Variants in AFF2 observed in about 807,000 individuals in gnomAD.
AFF2 encodes the protein AF4/FMR2 family member 2.
AFF2 carries 14 observed loss-of-function variants against 76.9 expected under a neutral mutation model. The ratio of observed to expected loss-of-function variants is 0.18; its 90% CI spans 0.12 to 0.28. The LOEUF is 0.28. Among genes scored for constraint, AFF2 ranks in the 10% least tolerant of loss-of-function variants. The pLI is 1.00. For missense variants in AFF2, 868 were observed against 1,001.1 expected (o/e 0.87, Z 1.79); for synonymous variants, 398 against 366.7 (o/e 1.09, Z -0.98).
chrX:148,581,744 C>T (rs1199257257), intron 1 of AFF2, among the ~76,000 whole-genome samples: 2 of 112,515 alleles, frequency 1.8e-5, no homozygotes, highest in African/African-American at 6.4e-5. Context: ...AAGTCACAGA[C>T]ATATTGAACA....
chrX:148,641,167 T>C (rs1557254646), intron 1 of AFF2, among the ~76,000 whole-genome samples: 2 of 111,438 alleles, frequency 1.8e-5, no homozygotes, highest in African/African-American at 6.5e-5. Flanking sequence ...TGGCATGACA[T>C]AGATATCCAG....
At chrX:148,924,486 A>C (rs1177691657) in intron 9 of AFF2, among the ~76,000 whole-genome samples, 1 of 112,382 alleles carries the variant, frequency 8.9e-6, no homozygotes, top group Non-Finnish European at 1.9e-5. Flanking sequence ...TTATGAGATT[A>C]TGAAAAATGG....
At chrX:148,572,097 T>G (rs2053236360) in intron 1 of AFF2, among the ~76,000 whole-genome samples, 1 of 107,938 alleles carries the variant, frequency 9.3e-6, no homozygotes, top group African/African-American at 3.4e-5. Flanking sequence ...TGGCAAAGCA[T>G]CTGAATAGAT....
rs1282072861 is a variant in AFF2, at chrX:148,677,561, G to A, written c.1041+14793G>A. Among the ~76,000 whole-genome samples the A allele has an allele frequency of 2.7e-5, 3 of 112,257 alleles. No individual in the cohort carries two copies. In the South Asian group the frequency reaches 1.1e-3, roughly 41 times the overall value. On this transcript the variant is annotated intron_variant, in intron 3 of 20. Transcript: ENST00000370460. ...GAAGTGATAAGTTTCTATTAGTAAT[G>A]CAGTATATTAAATATTAAATTATGT...
At chrX:148,618,785 A>C (rs1384450512) in intron 1 of AFF2, among the ~76,000 whole-genome samples, 2 of 111,661 alleles carry the variant, frequency 1.8e-5, no homozygotes, top group Admixed American at 1.9e-4. Context: ...GGATTCTGCT[A>C]TTCGTAGAAG....
At chrX:148,737,397 T>C (rs1216230911) in intron 3 of AFF2, among the ~76,000 whole-genome samples, 1 of 111,441 alleles carries the variant, frequency 9.0e-6, no homozygotes, top group Non-Finnish European at 1.9e-5. Context: ...AGGGGTTGAG[T>C]TCTTGATTTG....
In AFF2 at chrX:148,956,020, G is replaced by C. The variant is rs781936077; in HGVS notation, c.1975G>C (p.Glu659Gln). The C allele has an allele frequency of 8.3e-7, 1 of 1,211,244 alleles. No homozygotes were observed. Among genetic ancestry groups the C allele is most frequent in the Admixed American group, 2.2e-5 (1 of 45,976 alleles). Residue 659 changes from glutamate (E) to glutamine (Q), a missense_variant, in exon 11 of 21, where the codon GAA becomes CAA. Glu to Gln is a conservative substitution (Grantham distance 29, BLOSUM62 2). Coordinates refer to ENST00000370460, the MANE Select transcript of AFF2 (RefSeq NM_002025.4). ...NITSSTPKEKESVELHDPPRG... is the reference protein window; with the variant it reads ...NITSSTPKEKQSVELHDPPRG... ...TACCAGCAGCACTCCCAAAGAAAAA[G>C]AAAGTGTGGAGCTTCATGACCCACC...
intron 3 of AFF2, among the ~76,000 whole-genome samples, chrX:148,790,573 C>T (rs2069878976): frequency 9.2e-6 from 1 of 108,652 alleles, no homozygotes; most frequent in East Asian, 2.9e-4. Flanking sequence ...TTATCCTCTG[C>T]AAAGTAACAC....
At chrX:148,971,747 C>CTTTTTTTTTTTTTTTTTTTAAT (rs2072257378) in intron 15 of AFF2, among the ~76,000 whole-genome samples, 1 of 44,731 alleles carries the variant, frequency 2.2e-5, no homozygotes, top group Non-Finnish European at 3.8e-5. Flanking sequence ...TTTTCTATTT[C>CTTTTTTTTTTTTTTTTTTTAAT]TTTTTTTTTT....
intron 3 of AFF2, among the ~76,000 whole-genome samples, chrX:148,675,158 G>T (rs2054469397): frequency 9.0e-6 from 1 of 111,305 alleles, no homozygotes; most frequent in Non-Finnish European, 1.9e-5. Context: ...CAGCAGGCAG[G>T]GAGATATCTA....
At chrX:148,808,823 C>T (rs1305556669) in intron 3 of AFF2, among the ~76,000 whole-genome samples, 1 of 111,926 alleles carries the variant, frequency 8.9e-6, no homozygotes, top group Admixed American at 9.5e-5. Flanking sequence ...GTAGTTTTTA[C>T]AGGTGAGGAA....
chrX:148,633,484 A>G (rs1229834468), intron 1 of AFF2, among the ~76,000 whole-genome samples: 1 of 112,308 alleles, frequency 8.9e-6, no homozygotes, highest in African/African-American at 3.2e-5. Flanking sequence ...CCTCATCAGC[A>G]TTCACCGTAC....
chrX:148,714,107 T>C (rs2055000609), intron 3 of AFF2, among the ~76,000 whole-genome samples: 1 of 112,155 alleles, frequency 8.9e-6, no homozygotes, highest in Non-Finnish European at 1.9e-5. Context: ...ATAAAAAATC[T>C]CCCAGCAATG....
At chrX:148,841,877 T>C (rs1188521675) in intron 5 of AFF2, among the ~76,000 whole-genome samples, 1 of 112,011 alleles carries the variant, frequency 8.9e-6, no homozygotes, top group Non-Finnish European at 1.9e-5. Flanking sequence ...TTTCTGCCTC[T>C]TGTTGAGTTT....
intron 3 of AFF2, among the ~76,000 whole-genome samples, chrX:148,755,257 C>T (rs947891826): frequency 6.2e-5 from 7 of 112,170 alleles, no homozygotes; most frequent in South Asian, 3.7e-4. Context: ...ATCATCGTGA[C>T]GCTGAGACAG....
At chrX:148,775,855 T>G (rs1557268517) in intron 3 of AFF2, among the ~76,000 whole-genome samples, 1 of 60,454 alleles carries the variant, frequency 1.7e-5, no homozygotes, top group African/African-American at 4.1e-5. Flanking sequence ...CCTCTCAAGA[T>G]CCTTAACTTT....
In AFF2 at chrX:148,967,955, A is replaced by G. The variant is rs142446266; in HGVS notation, c.3267+263A>G. Among the ~76,000 whole-genome samples the G allele has an allele frequency of 7.1e-3, 796 of 111,574 alleles. 9 individuals carry two copies. Among genetic ancestry groups the G allele is most frequent in the African/African-American group, 0.025 (760 of 30,678 alleles). On this transcript the variant is annotated intron_variant, in intron 15 of 20. Transcript: ENST00000370460. ...CAACTTCAGAAGCTCAATGGCATAT[A>G]CCACTGTCATTACCTTTCAAGTGAT...
chrX:148,835,665 A>G (rs1238125637), intron 4 of AFF2, among the ~76,000 whole-genome samples: 2 of 109,197 alleles, frequency 1.8e-5, no homozygotes. Flanking sequence ...TTGTATTTTT[A>G]GTAGAGACGG....
At chrX:148,640,886 A>G (rs1399109748) in intron 1 of AFF2, among the ~76,000 whole-genome samples, 5 of 111,917 alleles carry the variant, frequency 4.5e-5, no homozygotes, top group African/African-American at 6.5e-5. Flanking sequence ...TGTTTGTCGC[A>G]TGGGTTCATC....
Sources: allele counts gnomAD v4.1 joint callset (sites outside exome capture counted in the v4.1 genomes callset), GRCh38; gene constraint gnomAD v4.1.1; transcripts MANE v1.5; gene names NCBI Gene and HGNC (gene_info 2026-07-23, HGNC 2026-07-21).